TBC1D31: variants seen among roughly 807,000 people sequenced by gnomAD.
The protein encoded by TBC1D31 is WD repeat domain 67.
Under a neutral mutation model 132.9 loss-of-function variants are expected in TBC1D31, and 99 were observed. That is an observed-to-expected ratio of 0.74 (90% CI 0.63 to 0.88). The LOEUF (loss-of-function observed/expected upper bound fraction) is 0.88. Among genes scored for constraint, TBC1D31 ranks in the 40% least tolerant of loss-of-function variants. TBC1D31 has a pLI of 0.00. For missense variants in TBC1D31, 1,134 were observed against 1,256.6 expected, an observed-to-expected ratio of 0.90 and a Z score of 1.48; for synonymous variants, 385 against 419.4, an observed-to-expected ratio of 0.92 and a Z score of 1.00.
Position 123,072,863 on chromosome 8 carries a change from GA to G in TBC1D31, c.77+18del. 6.4e-7 allele frequency: 1 copy of G among 1,554,872 alleles called. No individual in the cohort carries two copies. Among genetic ancestry groups the G allele is most frequent in the African/African-American group, 1.4e-5 (1 of 73,480 alleles). On this transcript the variant is annotated intron_variant, in intron 1 of 21. Coordinates refer to ENST00000287380, the MANE Select transcript of TBC1D31 (RefSeq NM_145647.4). ...GCGGGACGGGTAAAGGCCGTGGCGG[GA>G]GGGCGCGGGCTGTGGAGGGGATGGA...
chr8:123,091,758 A>G lies in TBC1D31; in HGVS notation c.520-1833A>G, dbSNP rs141199212. Among the ~76,000 whole-genome samples, 4 of 152,360 alleles carry G rather than the reference A, an allele frequency of 2.6e-5. No individual in the cohort carries two copies. The East Asian group carries it at 7.7e-4, about 29-fold the overall frequency. The stretch of plus-strand genomic sequence containing the variant: ...GCCACTGAAACTTTTACGAGAAAAT[A>G]TTGGTTAATTTCCGTTAATAATTTT... On this transcript the variant is annotated intron_variant, in intron 4 of 21. Transcript: ENST00000287380.
At chr8:123,128,568 A>AATC in intron 14 of TBC1D31, 55 bp downstream of exon 14, 2 of 1,337,888 alleles carry the variant, frequency 1.5e-6, no homozygotes, top group Non-Finnish European at 2.1e-6. Flanking sequence ...TTATAAACAT[A>AATC]AGAAAGTTTT....
At chr8:123,107,469 T>C (rs1273264733) in intron 8 of TBC1D31, among the ~76,000 whole-genome samples, 1 of 152,240 alleles carries the variant, frequency 6.6e-6, no homozygotes, top group East Asian at 1.9e-4. Flanking sequence ...CTAAACAAAA[T>C]ATTACTTCTT....
chr8:123,089,584 T>C (rs1816133994), intron 4 of TBC1D31, among the ~76,000 whole-genome samples: 1 of 152,166 alleles, frequency 6.6e-6, no homozygotes, highest in African/African-American at 2.4e-5. Context: ...GGTGTGTGCC[T>C]GTAGTCCCAG....
chr8:123,086,828 T>G (rs981810362), intron 4 of TBC1D31, among the ~76,000 whole-genome samples: 4 of 152,054 alleles, frequency 2.6e-5, no homozygotes, highest in Non-Finnish European at 4.4e-5. Flanking sequence ...CAAGCGATTC[T>G]CGCCTCAGCC....
chr8:123,074,801 G>A (rs1463436521), intron 1 of TBC1D31: 1 of 152,222 alleles, frequency 6.6e-6, no homozygotes, highest in East Asian at 1.9e-4. Context: ...TGACCTTGGG[G>A]AAGTTAATCA....
chr8:123,140,182 A>G (rs566057752), intron 17 of TBC1D31, among the ~76,000 whole-genome samples: 1 of 152,302 alleles, frequency 6.6e-6, no homozygotes, highest in Non-Finnish European at 1.5e-5. Context: ...CAACATGGTG[A>G]AACCCTGTCT....
chr8:123,080,084 A>G (rs1475984796), intron 2 of TBC1D31, among the ~76,000 whole-genome samples: 1 of 152,228 alleles, frequency 6.6e-6, no homozygotes, highest in African/African-American at 2.4e-5. Context: ...AGAATGAATA[A>G]GTTATTAATA....
intron 1 of TBC1D31, chr8:123,073,522 C>T (rs559980985): frequency 2.6e-6 from 1 of 391,606 alleles, no homozygotes; most frequent in Admixed American, 3.1e-5. Flanking sequence ...GTTACCTGTC[C>T]TGTTTGAGGC....
At chr8:123,164,792 C>T in the TBC1D31 span, among the ~76,000 whole-genome samples, 4 of 152,110 alleles carry the variant, frequency 2.6e-5, no homozygotes, top group South Asian at 2.1e-4. Context: ...TCAAGTCACT[C>T]CTAATACTGT....
intron 11 of TBC1D31, among the ~76,000 whole-genome samples, chr8:123,124,507 G>A (rs903017613): frequency 6.6e-6 from 1 of 152,178 alleles, no homozygotes; most frequent in Non-Finnish European, 1.5e-5. Flanking sequence ...AGGAAAAACA[G>A]CGCTCTCTTA....
intron 11 of TBC1D31, among the ~76,000 whole-genome samples, chr8:123,124,161 C>A (rs1434895625): frequency 1.3e-5 from 2 of 151,746 alleles, no homozygotes; most frequent in Admixed American, 1.3e-4. Flanking sequence ...TTCAGCTAAG[C>A]ACTAGCACTG....
rs1403093756 is a variant in TBC1D31 at position 123,129,082 on chromosome 8, A to G, written c.2134A>G (p.Met712Val). ...YLRERQTVED[M>V]QAKVDQQRVE... is the part of the protein sequence containing the mutation. ...CTACTTAAGGCAGACAGTTGAAGAT[A>G]TGCAAGCTAAAGTCGACCAGCAAAG... Residue 712 changes from methionine to valine, a missense_variant, in exon 15 of 22, where the codon ATG (methionine) becomes GTG (valine). By Grantham distance (21) the Met-to-Val change is conservative (BLOSUM62 1). Coordinates refer to ENST00000287380, the MANE Select transcript of TBC1D31 (RefSeq NM_145647.4). 2 of 1,599,408 alleles carry G rather than the reference A, an allele frequency of 1.3e-6. No homozygotes were observed. The highest frequency in any genetic ancestry group is 2.2e-5 in the East Asian group (1 of 44,638).
intron 6 of TBC1D31, among the ~76,000 whole-genome samples, chr8:123,099,661 G>A (rs187446582): frequency 1.3e-5 from 2 of 152,284 alleles, no homozygotes; most frequent in African/African-American, 4.8e-5. Context: ...AAAGGGTACA[G>A]GAAGGCAAAC....
In TBC1D31 at chr8:123,082,719, G is replaced by A. The variant is rs375672841; in HGVS notation, c.242G>A (p.Arg81Gln). ...LHGNRFNLVQ[R>Q]TAQACTALAF... ...CTTAATAGGTTCAATCTTGTTCAGC[G>A]AACAGCACAAGCTTGCACAGCTCTG... is the stretch of plus-strand genomic sequence containing the variant. Residue 81 changes from arginine (R) to glutamine (Q), a missense_variant, in exon 3 of 22, where the codon CGA (arginine) becomes CAA (glutamine). Coordinates refer to ENST00000287380, the MANE Select transcript of TBC1D31 (RefSeq NM_145647.4). 78 of 1,610,060 alleles carry A rather than the reference G, an allele frequency of 4.8e-5. No individual in the cohort carries two copies. The South Asian group carries it at 5.6e-4, about 12-fold the overall frequency.
intron 19 of TBC1D31, among the ~76,000 whole-genome samples, chr8:123,143,668 A>G (rs1437153013): frequency 6.6e-6 from 1 of 152,074 alleles, no homozygotes; most frequent in Non-Finnish European, 1.5e-5. Flanking sequence ...CTCCTACCCC[A>G]TCCCAGTGGC....
At chr8:123,076,024 A>G (rs1814475663) in intron 1 of TBC1D31, among the ~76,000 whole-genome samples, 1 of 152,236 alleles carries the variant, frequency 6.6e-6, no homozygotes, top group Admixed American at 6.5e-5. Flanking sequence ...AAGGGGAAAA[A>G]AATTAACCAT....
At chr8:123,142,555 A>G (rs1460354822) in intron 19 of TBC1D31, 99 bp downstream of exon 19, 2 of 1,008,006 alleles carry the variant, frequency 2.0e-6, no homozygotes, top group Non-Finnish European at 2.7e-6. Context: ...TCGAAATTCA[A>G]ACTCGGGGCC....
At chr8:123,097,503 A>C in intron 6 of TBC1D31, 62 bp downstream of exon 6, 2 of 1,494,112 alleles carry the variant, frequency 1.3e-6, no homozygotes, top group Non-Finnish European at 1.8e-6. Context: ...TCTCTGAACT[A>C]TATTAGCTCT....
Sources: gnomAD v4.1 joint callset for allele counts (sites outside exome capture counted in the v4.1 genomes callset) on GRCh38, gnomAD v4.1.1 for gene constraint, MANE v1.5 for transcripts, NCBI Gene and HGNC (gene_info 2026-07-23, HGNC 2026-07-21) for gene names.